The following NDST4 variants were observed in gnomAD, a reference collection of about 807,000 sequenced individuals.
NDST4 encodes the protein N-heparan sulfate sulfotransferase 4.
Under a neutral mutation model 100.8 loss-of-function variants are expected in NDST4, and 63 were observed. The observed-to-expected ratio is 0.62, with a 90% CI of 0.51 to 0.77. The LOEUF is 0.77. NDST4 is among the 30% of genes least tolerant of loss of function. NDST4 has a pLI of 0.00. For synonymous variants in NDST4, 377 were observed against 361.8 expected (o/e 1.04, Z -0.48); for missense variants, 943 against 1,018.4 (o/e 0.93, Z 1.01).
chr4:115,026,946 T>C (rs1057211865), intron 2 of NDST4, among the ~76,000 whole-genome samples: 3 of 152,140 alleles, frequency 2.0e-5, no homozygotes, highest in African/African-American at 7.2e-5. Flanking sequence ...GAAAGAAGAA[T>C]GATGGCTTCT....
chr4:114,848,315 G>A lies in NDST4; in HGVS notation c.1840C>T (p.Leu614Phe), dbSNP rs761463844. Reference sequence around the variant, plus strand: ...CTGATGATTGAAGGATGCATAAGAAGAAATAAATAAAGTGCAGTTGTTCCT... The same window carrying A: ...CTGATGATTGAAGGATGCATAAGAAAAAATAAATAAAGTGCAGTTGTTCCT... ...KTGTTALYLF[L>F]LMHPSIISNL... The change falls in exon 9 of 14, where the codon CTT becomes TTT. Residue 614 changes from leucine (L) to phenylalanine (F), a missense_variant. By Grantham distance (22) the Leu-to-Phe change is conservative. Around this residue, in one of 2 missense-constraint regions of NDST4, gnomAD observed 526 missense variants for 634.1 expected, o/e 0.83. Coordinates refer to ENST00000264363, the MANE Select transcript of NDST4 (RefSeq NM_022569.3). 6 of 1,598,280 alleles carry A rather than the reference G, an allele frequency of 3.8e-6. No homozygotes were observed. The highest frequency in any genetic ancestry group is 5.1e-6 in the Non-Finnish European group (6 of 1,172,758).
chr4:114,998,752 C>T (rs1047224068), intron 2 of NDST4, among the ~76,000 whole-genome samples: 1 of 151,986 alleles, frequency 6.6e-6, no homozygotes, highest in Non-Finnish European at 1.5e-5. Context: ...GCTTCCATTT[C>T]CCTGGGAAAC....
intron 7 of NDST4, among the ~76,000 whole-genome samples, chr4:114,858,583 T>A (rs1308245525): frequency 1.3e-5 from 2 of 152,170 alleles, no homozygotes; most frequent in Non-Finnish European, 2.9e-5. Flanking sequence ...AACTATTAGT[T>A]GGTGCAGAGT....
intron 2 of NDST4, among the ~76,000 whole-genome samples, chr4:115,063,369 C>T (rs1478320331): frequency 6.6e-6 from 1 of 151,872 alleles, no homozygotes; most frequent in Admixed American, 6.6e-5. Flanking sequence ...TCTATGACTA[C>T]TTTAACAGCT....
At position 114,954,926 on chromosome 4, in the gene NDST4, T is replaced by C. The variant is rs180927091; in HGVS notation, c.1221+15504A>G. ...CACATCCTTGCTACTGCTCCCACCA[T>C]GTGAAGACATCTCACTACCAGCTTT... is the stretch of plus-strand genomic sequence containing the variant. On this transcript the variant is annotated intron_variant, in intron 4 of 13. Coordinates refer to ENST00000264363, the MANE Select transcript of NDST4 (RefSeq NM_022569.3). Among the ~76,000 whole-genome samples, 79 of 152,264 alleles carry C rather than the reference T, an allele frequency of 5.2e-4. No homozygotes were observed. The East Asian group carries it at 7.4e-3, about 14-fold the overall frequency.
chr4:114,868,683 AT>A, intron 7 of NDST4, among the ~76,000 whole-genome samples: 1 of 152,070 alleles, frequency 6.6e-6, no homozygotes, highest in East Asian at 1.9e-4. Flanking sequence ...AAAAGTAACC[AT>A]ATAAATAATA....
At chr4:114,911,379 C>T (rs1725058691) in intron 6 of NDST4, among the ~76,000 whole-genome samples, 1 of 152,182 alleles carries the variant, frequency 6.6e-6, no homozygotes, top group East Asian at 1.9e-4. Flanking sequence ...ATGAATGCCT[C>T]ATTACTTAGC....
At chr4:114,889,991 T>C (rs1724559785) in intron 6 of NDST4, among the ~76,000 whole-genome samples, 1 of 152,166 alleles carries the variant, frequency 6.6e-6, no homozygotes, top group African/African-American at 2.4e-5. Context: ...TGAAAAAATC[T>C]TGGTGCCTTT....
intron 6 of NDST4, among the ~76,000 whole-genome samples, chr4:114,878,453 G>T (rs979773765): frequency 1.3e-5 from 2 of 152,162 alleles, no homozygotes; most frequent in Non-Finnish European, 2.9e-5. Flanking sequence ...AATAAAAAAA[G>T]GGTATCGATT....
chr4:114,884,400 G>C (rs7674844), intron 6 of NDST4, among the ~76,000 whole-genome samples: 1 of 152,002 alleles, frequency 6.6e-6, no homozygotes. Context: ...ACTGAAAACT[G>C]CTAGTGAATT....
chr4:114,996,204 G>A (rs1250727702), intron 2 of NDST4, among the ~76,000 whole-genome samples: 9 of 151,966 alleles, frequency 5.9e-5, no homozygotes, highest in East Asian at 1.9e-4. Context: ...CCCCTATGCC[G>A]TTCTTGTGAT....
chr4:114,854,835 C>T (rs1027733058), intron 7 of NDST4, among the ~76,000 whole-genome samples: 4 of 151,972 alleles, frequency 2.6e-5, no homozygotes, highest in African/African-American at 9.7e-5. Context: ...TTCTATTTTT[C>T]GTTTTGTGTG....
At chr4:115,070,637 T>C (rs568457492) in intron 2 of NDST4, among the ~76,000 whole-genome samples, 8 of 152,184 alleles carry the variant, frequency 5.3e-5, no homozygotes, top group Non-Finnish European at 1.0e-4. Flanking sequence ...TGAATTTAAT[T>C]TTGATTGCCT....
intron 2 of NDST4, among the ~76,000 whole-genome samples, chr4:115,017,666 A>G (rs1407910741): frequency 6.6e-6 from 1 of 152,036 alleles, no homozygotes; most frequent in African/African-American, 2.4e-5. Flanking sequence ...ATATTAAAAC[A>G]TTCAGATGAT....
At chr4:114,898,277 G>A (rs1724759950) in intron 6 of NDST4, among the ~76,000 whole-genome samples, 2 of 152,050 alleles carry the variant, frequency 1.3e-5, no homozygotes, top group Non-Finnish European at 2.9e-5. Context: ...TTTATTTGAT[G>A]TGCAGTTGCT....
Position 114,941,332 on chromosome 4 carries a change from ACCCCT to A in NDST4, c.1222-3834_1222-3830del, listed in dbSNP as rs1242982528. On this transcript the variant is annotated intron_variant, in intron 4 of 13. Transcript: ENST00000264363. ...TTTTCACTAAGTTGCTTCTACTGTG[ACCCCT>A]CCCCTCCCCTCCCCAAAGTATGAAG... is the stretch of plus-strand genomic sequence containing the variant. 2.7e-5 allele frequency among the ~76,000 whole-genome samples: 4 copies of A among 150,000 alleles called. No individual in the cohort carries two copies. In the South Asian group the frequency reaches 8.6e-4, roughly 32 times the overall value.
intron 6 of NDST4, among the ~76,000 whole-genome samples, chr4:114,925,185 T>C (rs1417980178): frequency 1.3e-5 from 2 of 152,144 alleles, no homozygotes; most frequent in Admixed American, 1.3e-4. Context: ...TCTATTTCTA[T>C]AAACCACAAT....
intron 7 of NDST4, among the ~76,000 whole-genome samples, chr4:114,855,776 T>C (rs1322139882): frequency 6.6e-6 from 1 of 152,232 alleles, no homozygotes; most frequent in Non-Finnish European, 1.5e-5. Context: ...GGTTCCATGT[T>C]AATTTTAGGA....
chr4:114,836,869 T>C (rs1252237696), intron 11 of NDST4, among the ~76,000 whole-genome samples: 1 of 152,148 alleles, frequency 6.6e-6, no homozygotes, highest in Non-Finnish European at 1.5e-5. Flanking sequence ...AGTAAGTTGA[T>C]CTTCAATCTC....
Sources: gnomAD v4.1 joint callset for allele counts (sites outside exome capture counted in the v4.1 genomes callset) on GRCh38, gnomAD v4.1.1 for gene constraint, gnomAD v4.1.1 regional missense constraint, MANE v1.5 for transcripts, NCBI Gene and HGNC (gene_info 2026-07-23, HGNC 2026-07-21) for gene names.